ADK: variants seen among roughly 807,000 people sequenced by gnomAD.
The protein encoded by ADK is N6,N6-dimethyladenosine kinase.
Under a neutral mutation model 44.7 loss-of-function variants are expected in ADK, and 24 were observed. That is an observed-to-expected ratio of 0.54 (90% CI 0.39 to 0.76). The LOEUF (loss-of-function observed/expected upper bound fraction) is 0.76, where lower values mean the gene tolerates loss of function less well. Ranked by LOEUF, ADK falls within the 30% of genes least tolerant of loss-of-function variation. The pLI, the probability that ADK is intolerant of heterozygous loss-of-function variation, is 0.00. For missense variants in ADK, 321 were observed against 425.1 expected (o/e 0.76, Z 2.15); for synonymous variants, 128 against 142.6 (o/e 0.90, Z 0.73).
intron 9 of ADK, among the ~76,000 whole-genome samples, chr10:74,616,965 A>G (rs1852786921): frequency 6.6e-6 from 1 of 151,968 alleles, no homozygotes; most frequent in Non-Finnish European, 1.5e-5. Flanking sequence ...GATGCTATCT[A>G]TTTTTAAATG....
intron 6 of ADK, among the ~76,000 whole-genome samples, chr10:74,482,493 C>A (rs1847110701): frequency 6.6e-6 from 1 of 152,164 alleles, no homozygotes; most frequent in South Asian, 2.1e-4. Context: ...TGGCTTCTCC[C>A]AAATCTCATG....
intron 3 of ADK, among the ~76,000 whole-genome samples, chr10:74,258,498 G>T (rs1845911269): frequency 6.6e-6 from 1 of 151,960 alleles, no homozygotes; most frequent in African/African-American, 2.4e-5. Flanking sequence ...ATTAAAGTTG[G>T]TAAATCTACA....
chr10:74,513,343 G>C (rs1848422821), intron 6 of ADK, among the ~76,000 whole-genome samples: 1 of 152,152 alleles, frequency 6.6e-6, no homozygotes, highest in African/African-American at 2.4e-5. Flanking sequence ...AGTGTTGAGA[G>C]TGGGATGTTG....
chr10:74,242,399 C>T (rs996847459), intron 3 of ADK, among the ~76,000 whole-genome samples: 2 of 152,226 alleles, frequency 1.3e-5, no homozygotes, highest in African/African-American at 4.8e-5. Flanking sequence ...ATTGTACACT[C>T]AGTGCCTAGC....
chr10:74,394,711 G>A (rs1289850000), intron 5 of ADK, among the ~76,000 whole-genome samples: 2 of 152,162 alleles, frequency 1.3e-5, no homozygotes, highest in African/African-American at 4.8e-5. Flanking sequence ...GAGACAGAGA[G>A]AGAGTGTGTG....
intron 8 of ADK, among the ~76,000 whole-genome samples, chr10:74,591,690 T>C (rs972529533): frequency 6.6e-6 from 1 of 152,204 alleles, no homozygotes; most frequent in Non-Finnish European, 1.5e-5. Context: ...TACTCTTGGC[T>C]AGTGTGACAA....
At chr10:74,655,953 C>T in intron 9 of ADK, 1 of 699,892 alleles carries the variant, frequency 1.4e-6, no homozygotes, top group Non-Finnish European at 2.7e-6. Context: ...AAGGGTGCAA[C>T]TCCTCCTGGG....
chr10:74,529,717 T>C (rs1300684227), intron 7 of ADK, among the ~76,000 whole-genome samples: 2 of 152,146 alleles, frequency 1.3e-5, no homozygotes, highest in Non-Finnish European at 2.9e-5. Flanking sequence ...TATTGTTCAT[T>C]TGAATTCGCT....
At chr10:74,333,058 C>G (rs1259452571) in intron 4 of ADK, among the ~76,000 whole-genome samples, 1 of 151,708 alleles carries the variant, frequency 6.6e-6, no homozygotes, top group Non-Finnish European at 1.5e-5. Flanking sequence ...GAAAAAAAAA[C>G]TAAATATCTT....
At chr10:74,590,119 A>C (rs2133924532) in intron 8 of ADK, among the ~76,000 whole-genome samples, 1 of 152,342 alleles carries the variant, frequency 6.6e-6, no homozygotes, top group Middle Eastern at 3.4e-3. Flanking sequence ...GTTAACTGAC[A>C]GAGAATTAAC....
chr10:74,548,422 G>A (rs1481063449), intron 7 of ADK, among the ~76,000 whole-genome samples: 13 of 152,046 alleles, frequency 8.6e-5, no homozygotes, highest in Non-Finnish European at 1.5e-5. Flanking sequence ...CAGATAAAGA[G>A]GTTGCCAGAT....
chr10:74,536,875 A>C (rs1849467341), intron 7 of ADK, among the ~76,000 whole-genome samples: 1 of 152,036 alleles, frequency 6.6e-6, no homozygotes, highest in Non-Finnish European at 1.5e-5. Flanking sequence ...GTATGTGTGA[A>C]ATTTTGTTTT....
intron 6 of ADK, among the ~76,000 whole-genome samples, chr10:74,439,454 G>A (rs1238442496): frequency 1.7e-4 from 26 of 152,110 alleles, no homozygotes; most frequent in Admixed American, 1.7e-3. Flanking sequence ...TTCCATGAAA[G>A]TAGAACTGAT....
At chr10:74,399,021 A>G (rs983656414) in intron 6 of ADK, among the ~76,000 whole-genome samples, 2 of 152,006 alleles carry the variant, frequency 1.3e-5, no homozygotes, top group Non-Finnish European at 1.5e-5. Flanking sequence ...AATTACCATG[A>G]CACCTCTTAA....
chr10:74,703,602 A>G (rs955487461), intron 10 of ADK, among the ~76,000 whole-genome samples: 23 of 152,264 alleles, frequency 1.5e-4, no homozygotes, highest in African/African-American at 3.9e-4. Flanking sequence ...TTTAAAAACT[A>G]TAAAGATACC....
intron 7 of ADK, among the ~76,000 whole-genome samples, chr10:74,542,463 T>C (rs1257915605): frequency 6.6e-6 from 1 of 152,248 alleles, no homozygotes; most frequent in African/African-American, 2.4e-5. Context: ...GTGTATATTG[T>C]CAAAACACAG....
At chr10:74,687,245 T>G (rs934752542) in intron 10 of ADK, among the ~76,000 whole-genome samples, 1 of 152,214 alleles carries the variant, frequency 6.6e-6, no homozygotes, top group African/African-American at 2.4e-5. Flanking sequence ...CAGCAGCAGA[T>G]ACTGGATCTT....
intron 6 of ADK, among the ~76,000 whole-genome samples, chr10:74,514,701 A>G (rs1216636579): frequency 1.3e-5 from 2 of 151,764 alleles, no homozygotes; most frequent in South Asian, 2.1e-4. Flanking sequence ...CTTGTATCTT[A>G]TTGGATTTCT....
intron 6 of ADK, among the ~76,000 whole-genome samples, chr10:74,502,898 T>C (rs1434028011): frequency 7.9e-5 from 12 of 152,204 alleles, no homozygotes. Context: ...AATGTAATTA[T>C]ATCGTTTCTT....
Sources: gnomAD v4.1 joint callset for allele counts (sites outside exome capture counted in the v4.1 genomes callset) on GRCh38, gnomAD v4.1.1 for gene constraint, MANE v1.5 for transcripts, NCBI Gene and HGNC (gene_info 2026-07-23, HGNC 2026-07-21) for gene names.